Variants in WWOX observed in about 807,000 individuals in gnomAD.
WWOX encodes WW domain containing oxidoreductase.
In WWOX, 69 loss-of-function variants were observed where a neutral mutation model predicts 46.2. The observed-to-expected ratio is 1.49, with a 90% CI of 1.23 to 1.82. The LOEUF is 1.82. WWOX is among the 40% of genes most tolerant of loss of function. The pLI, the probability that WWOX is intolerant of heterozygous loss-of-function variation, is 0.00. For missense variants in WWOX, 919 were observed against 542.6 expected, an observed-to-expected ratio of 1.69 and a Z score of -6.89; for synonymous variants, 359 against 202.6, an observed-to-expected ratio of 1.77 and a Z score of -6.56.
chr16:78,105,020 T>C (rs572352685), intron 1 of WWOX, among the ~76,000 whole-genome samples: 82 of 152,350 alleles, frequency 5.4e-4, no homozygotes, highest in African/African-American at 1.8e-3. Context: ...CTGCTTCAGC[T>C]GGTTCCGGAT....
intron 8 of WWOX, among the ~76,000 whole-genome samples, chr16:78,464,333 GGAAAGAAGAGAGAGAA>G (rs560984642): frequency 0.019 from 2,840 of 151,306 alleles, 102 homozygotes; most frequent in African/African-American, 0.066. Flanking sequence ...AAGGGAGGAA[GGAAAGAAGAGAGAGAA>G]GGAGGAAGAG....
intron 5 of WWOX, among the ~76,000 whole-genome samples, chr16:78,360,031 T>C (rs2081376609): frequency 6.6e-6 from 1 of 152,180 alleles, no homozygotes; most frequent in African/African-American, 2.4e-5. Context: ...GGAAACAAAC[T>C]TTTTAAAAAC....
At chr16:78,539,559 T>G (rs907179159) in intron 8 of WWOX, among the ~76,000 whole-genome samples, 5 of 152,248 alleles carry the variant, frequency 3.3e-5, no homozygotes, top group African/African-American at 1.2e-4. Context: ...CAGGTCCACA[T>G]ATATTTCATT....
At chr16:78,560,745 A>G (rs1049127273) in intron 8 of WWOX, among the ~76,000 whole-genome samples, 16 of 152,304 alleles carry the variant, frequency 1.1e-4, no homozygotes, top group African/African-American at 3.9e-4. Context: ...AGCTATGGTG[A>G]TTGAGTTTTT....
chr16:78,178,906 C>T (rs1011593959), intron 5 of WWOX, among the ~76,000 whole-genome samples: 3 of 151,434 alleles, frequency 2.0e-5, no homozygotes, highest in Non-Finnish European at 2.9e-5. Context: ...GCTTTCTCTT[C>T]GGGATGGTTT....
At chr16:78,939,504 A>G (rs969547745) in intron 8 of WWOX, among the ~76,000 whole-genome samples, 2 of 152,216 alleles carry the variant, frequency 1.3e-5, no homozygotes, top group African/African-American at 4.8e-5. Flanking sequence ...AGTTTGTTTC[A>G]AGTCTAGTCT....
At chr16:78,669,856 A>C (rs1052335144) in intron 8 of WWOX, among the ~76,000 whole-genome samples, 8 of 152,184 alleles carry the variant, frequency 5.3e-5, no homozygotes, top group African/African-American at 1.9e-4. Context: ...TTTAGGGAGA[A>C]GGAAAAATAA....
At chr16:78,827,409 G>C (rs1460563878) in intron 8 of WWOX, among the ~76,000 whole-genome samples, 1 of 152,110 alleles carries the variant, frequency 6.6e-6, no homozygotes, top group African/African-American at 2.4e-5. Flanking sequence ...TGGAGTCTCT[G>C]TGGCTCCAGG....
intron 5 of WWOX, among the ~76,000 whole-genome samples, chr16:78,190,203 T>C (rs887542007): frequency 6.6e-6 from 1 of 152,144 alleles, no homozygotes; most frequent in Non-Finnish European, 1.5e-5. Flanking sequence ...GTCCCTAGCC[T>C]GTGGAGAAGG....
chr16:78,321,979 G>A (rs747341937), intron 5 of WWOX, among the ~76,000 whole-genome samples: 20 of 152,220 alleles, frequency 1.3e-4, no homozygotes, highest in Admixed American at 6.5e-5. Context: ...GAGACAGGTT[G>A]TGGATGGAAC....
chr16:78,370,910 T>G (rs899900960), intron 5 of WWOX, among the ~76,000 whole-genome samples: 1 of 151,100 alleles, frequency 6.6e-6, no homozygotes, highest in African/African-American at 2.4e-5. Context: ...GGCCAACATT[T>G]CTAAAAATTT....
intron 8 of WWOX, among the ~76,000 whole-genome samples, chr16:79,054,216 G>T (rs577333776): frequency 1.3e-5 from 2 of 152,238 alleles, no homozygotes; most frequent in South Asian, 4.1e-4. Flanking sequence ...ATGCTGCAAC[G>T]GGGAATCTTT....
At chr16:78,862,869 C>T (rs1181463753) in intron 8 of WWOX, among the ~76,000 whole-genome samples, 4 of 152,016 alleles carry the variant, frequency 2.6e-5, no homozygotes, top group African/African-American at 4.8e-5. Context: ...TTCATGGACA[C>T]ACTAGAGATA....
chr16:78,898,207 C>A (rs957060599), intron 8 of WWOX: 3 of 152,094 alleles, frequency 2.0e-5, no homozygotes, highest in Non-Finnish European at 4.4e-5. Flanking sequence ...GTTCTAAGAA[C>A]CTTTACCAAT....
chr16:78,718,743 G>A (rs7189367), intron 8 of WWOX, among the ~76,000 whole-genome samples: 3 of 151,910 alleles, frequency 2.0e-5, no homozygotes, highest in Admixed American at 1.3e-4. Flanking sequence ...TCTGAAGGAT[G>A]TTTTTTTAAA....
At chr16:78,868,972 C>G (rs941643212) in intron 8 of WWOX, among the ~76,000 whole-genome samples, 3 of 152,118 alleles carry the variant, frequency 2.0e-5, no homozygotes, top group African/African-American at 7.2e-5. Flanking sequence ...CACACAGACA[C>G]ACACACACAT....
chr16:78,455,745 C>T (rs1379696761), intron 8 of WWOX, among the ~76,000 whole-genome samples: 3 of 140,782 alleles, frequency 2.1e-5, no homozygotes, highest in Non-Finnish European at 4.6e-5. Context: ...AGCAAAGGTT[C>T]AAGTAATGAA....
intron 8 of WWOX, among the ~76,000 whole-genome samples, chr16:78,734,619 C>G (rs761958226): frequency 3.3e-5 from 5 of 151,906 alleles, no homozygotes; most frequent in African/African-American, 1.2e-4. Context: ...GATTAGGTCC[C>G]AGTCACAGGG....
At chr16:78,834,895 C>A (rs906891004) in intron 8 of WWOX, among the ~76,000 whole-genome samples, 2 of 152,258 alleles carry the variant, frequency 1.3e-5, no homozygotes, top group South Asian at 2.1e-4. Flanking sequence ...TTGTAATAAT[C>A]ATGCGTACCA....
Sources: gnomAD v4.1 joint callset for allele counts (sites outside exome capture counted in the v4.1 genomes callset) on GRCh38, gnomAD v4.1.1 for gene constraint, MANE v1.5 for transcripts, NCBI Gene and HGNC (gene_info 2026-07-23, HGNC 2026-07-21) for gene names.